Variants in LRP5 observed in about 807,000 individuals in gnomAD.
LRP5 encodes LDL receptor related protein 5.
Under a neutral mutation model 154.1 loss-of-function variants are expected in LRP5, and 62 were observed. The observed-to-expected ratio is 0.40, with a 90% CI of 0.33 to 0.50. The LOEUF (loss-of-function observed/expected upper bound fraction) is 0.50. Among genes scored for constraint, LRP5 ranks in the 20% least tolerant of loss-of-function variants. The pLI, the probability that LRP5 is intolerant of heterozygous loss-of-function variation, is 0.55. For missense variants in LRP5, 1,915 were observed against 2,336.7 expected (o/e 0.82, Z 3.72); for synonymous variants, 966 against 1,011.5 (o/e 0.96, Z 0.85).
chr11:68,335,450 A>T (rs998711364), intron 1 of LRP5, among the ~76,000 whole-genome samples: 1 of 151,784 alleles, frequency 6.6e-6, no homozygotes, highest in Non-Finnish European at 1.5e-5. Flanking sequence ...TAATCCCAAC[A>T]GTTTGGGAGG....
At chr11:68,399,562 C>T (rs1320946140) in intron 7 of LRP5, among the ~76,000 whole-genome samples, 1 of 152,222 alleles carries the variant, frequency 6.6e-6, no homozygotes, top group African/African-American at 2.4e-5. Context: ...CCGGCACTGG[C>T]GTTCCTGGGT....
intron 21 of LRP5, among the ~76,000 whole-genome samples, chr11:68,440,117 A>C (rs2098677383): frequency 6.6e-6 from 1 of 152,218 alleles, no homozygotes. Context: ...AAAACTACAC[A>C]AAAATATAAA....
At chr11:68,300,722 C>T in the LRP5 span, among the ~76,000 whole-genome samples, 1 of 149,530 alleles carries the variant, frequency 6.7e-6, no homozygotes, top group Non-Finnish European at 1.5e-5. Flanking sequence ...GGTCCAGCTC[C>T]TCTGTCACCG....
intron 1 of LRP5, among the ~76,000 whole-genome samples, chr11:68,323,414 T>C (rs1423252693): frequency 1.3e-5 from 2 of 150,720 alleles, no homozygotes; most frequent in East Asian, 3.9e-4. Context: ...GGCTTGGTGC[T>C]TTTTAAATTT....
rs34962195 is a variant in LRP5, at chr11:68,315,075, G to A, written c.91+2270G>A. Among the ~76,000 whole-genome samples, 1,144 of 152,318 alleles carry A rather than the reference G, an allele frequency of 7.5e-3. 6 individuals are homozygous for A. The highest frequency in any genetic ancestry group is 0.018 in the South Asian group (87 of 4,828). On this transcript the variant is annotated intron_variant, in intron 1 of 22. Transcript: ENST00000294304. The stretch of plus-strand genomic sequence containing the variant: ...GAGTTGCTTTCTCCCTTGCAGCGAC[G>A]GGTTGCAGGGCTGATGGGGGTGGAG...
intron 13 of LRP5, among the ~76,000 whole-genome samples, chr11:68,421,501 G>A (rs766027260): frequency 8.5e-5 from 13 of 152,126 alleles, no homozygotes; most frequent in African/African-American, 2.4e-4. Context: ...CTTTCAGCCC[G>A]GCAGCTGTAC....
intron 7 of LRP5, among the ~76,000 whole-genome samples, chr11:68,403,114 G>A (rs2098653538): frequency 6.6e-6 from 1 of 152,158 alleles, no homozygotes; most frequent in Middle Eastern, 3.4e-3. Flanking sequence ...GTGTGGTGGC[G>A]GGTACCTGTA....
intron 2 of LRP5, among the ~76,000 whole-genome samples, chr11:68,355,122 T>A (rs2510932): frequency 1.3e-5 from 2 of 152,172 alleles, no homozygotes; most frequent in Non-Finnish European, 2.9e-5. Context: ...GGGTGGCCCT[T>A]GGTGCACCTG....
At chr11:68,357,606 A>G (rs1304147426) in intron 2 of LRP5, 44 bp from the exon 3 acceptor site, 2 of 1,581,684 alleles carry the variant, frequency 1.3e-6, no homozygotes, top group African/African-American at 2.7e-5. Flanking sequence ...AAAACAAAAA[A>G]CAGATCTGTG....
At chr11:68,363,982 G>A (rs748057777) in intron 4 of LRP5, 39 bp downstream of exon 4, 3 of 1,152,418 alleles carry the variant, frequency 2.6e-6, no homozygotes, top group Non-Finnish European at 2.4e-6. Context: ...GGGTGCGGGG[G>A]CTGGGGGGAG....
At chr11:68,392,674 A>G (rs2098647002) in intron 7 of LRP5, among the ~76,000 whole-genome samples, 1 of 151,962 alleles carries the variant, frequency 6.6e-6, no homozygotes, top group African/African-American at 2.4e-5. Flanking sequence ...CCTCTCTCCC[A>G]GCCTCTGTCA....
At chr11:68,394,116 G>C (rs767806992) in intron 7 of LRP5, among the ~76,000 whole-genome samples, 1 of 152,112 alleles carries the variant, frequency 6.6e-6, no homozygotes. Context: ...TTTCAGATGA[G>C]AACACCGAAG....
chr11:68,389,841 G>T, intron 6 of LRP5, 40 bp from the exon 7 acceptor site: 1 of 1,612,762 alleles, frequency 6.2e-7, no homozygotes, highest in Non-Finnish European at 8.5e-7. Context: ...GCAGAGACCA[G>T]ACAGACTCAT....
At chr11:68,354,180 G>A (rs1490494208) in intron 2 of LRP5, among the ~76,000 whole-genome samples, 3 of 152,236 alleles carry the variant, frequency 2.0e-5, no homozygotes, top group East Asian at 1.9e-4. Context: ...GGCTCTGCAC[G>A]AAGGCCATGC....
At chr11:68,446,386 A>T in intron 21 of LRP5, 50 bp from the exon 22 acceptor site, 1 of 1,253,612 alleles carries the variant, frequency 8.0e-7, no homozygotes, top group Non-Finnish European at 1.2e-6. Context: ...GGAAGGAAGG[A>T]ATGCCCAGGC....
chr11:68,385,310 G>A (rs2098642375), intron 5 of LRP5, among the ~76,000 whole-genome samples: 1 of 152,192 alleles, frequency 6.6e-6, no homozygotes, highest in East Asian at 1.9e-4. Flanking sequence ...TCAGCCAGCA[G>A]CAGGCTTGGC....
intron 7 of LRP5, among the ~76,000 whole-genome samples, chr11:68,396,640 T>C (rs1449366871): frequency 6.6e-6 from 1 of 152,084 alleles, no homozygotes. Flanking sequence ...GGCGGATGGG[T>C]CTGGGAGGCC....
At chr11:68,361,978 G>A (rs2098628363) in intron 3 of LRP5, among the ~76,000 whole-genome samples, 1 of 152,246 alleles carries the variant, frequency 6.6e-6, no homozygotes, top group African/African-American at 2.4e-5. Context: ...GGACAGTAAT[G>A]TCCGTAGCAG....
At chr11:68,352,776 C>G (rs894466393) in intron 2 of LRP5, among the ~76,000 whole-genome samples, 1 of 148,054 alleles carries the variant, frequency 6.8e-6, no homozygotes, top group African/African-American at 2.5e-5. Flanking sequence ...GTGCTCGGTG[C>G]TAGGTTGGGA....
Sources: allele counts gnomAD v4.1 joint callset (sites outside exome capture counted in the v4.1 genomes callset), GRCh38; gene constraint gnomAD v4.1.1; transcripts MANE v1.5; gene names NCBI Gene and HGNC (gene_info 2026-07-23, HGNC 2026-07-21).